The following AGR2 variants were observed in gnomAD, a reference collection of about 807,000 sequenced individuals.
The protein encoded by AGR2 is anterior gradient protein 2 homolog.
In AGR2, 27 loss-of-function variants were observed where a neutral mutation model predicts 25.9. That is an observed-to-expected ratio of 1.04 (90% CI 0.77 to 1.44). AGR2 has a LOEUF of 1.44. Ranked by LOEUF, AGR2 falls within the 40% of genes most tolerant of loss-of-function variation. The probability of loss-of-function intolerance (pLI) is 0.00; values close to 1 mark genes in which losing one functional copy is unlikely to be tolerated. For missense variants in AGR2, 182 were observed against 200.9 expected (o/e 0.91, Z 0.57); for synonymous variants, 78 against 72.0 (o/e 1.08, Z -0.42).
At chr7:16,803,700 G>T (rs762301692) in intron 1 of AGR2, among the ~76,000 whole-genome samples, 26 of 152,208 alleles carry the variant, frequency 1.7e-4, no homozygotes, top group Non-Finnish European at 3.4e-4. Flanking sequence ...AATAACTTTT[G>T]TCTTCTAGAG....
chr7:16,799,774 C>G lies in AGR2; in HGVS notation c.300G>C (p.Leu100Phe), dbSNP rs1785110973. Residue 100 changes from leucine (L) to phenylalanine (F), a missense_variant, in exon 5 of 8, where the codon TTG (leucine) becomes TTC (phenylalanine). Physicochemically the swap from Leu to Phe is conservative, Grantham distance 22. Coordinates refer to ENST00000419304, the MANE Select transcript of AGR2 (RefSeq NM_006408.4). Reference protein sequence around the residue: ...VFAENKEIQKLAEQFVLLNLV... With the variant: ...VFAENKEIQKFAEQFVLLNLV... ...GATTGAGGAGGACAAACTGCTCTGC[C>G]AATTTCTGGATTTCTTTATTTTCAG... 6.2e-7 allele frequency: 1 copy of G among 1,613,212 alleles called. No individual in the cohort carries two copies. The highest frequency in any genetic ancestry group is 2.2e-5 in the East Asian group (1 of 44,794).
intron 6 of AGR2, among the ~76,000 whole-genome samples, chr7:16,796,178 G>A (rs557144424): frequency 5.3e-5 from 8 of 152,294 alleles, no homozygotes; most frequent in African/African-American, 1.9e-4. Context: ...ATTCAAACAT[G>A]TAGTCAGGGT....
intron 5 of AGR2, chr7:16,799,462 A>ACG (rs571884314): frequency 3.1e-4 from 108 of 353,226 alleles, no homozygotes; most frequent in African/African-American, 2.1e-3. Flanking sequence ...ATAGAGGGAC[A>ACG]GGCACAGCAA....
In AGR2 at chr7:16,804,543, C is replaced by T. The variant is rs575783094; in HGVS notation, c.-8+392G>A. Among the ~76,000 whole-genome samples, 6 of 152,180 alleles carry T rather than the reference C, an allele frequency of 3.9e-5. No homozygotes were observed. In the South Asian group the frequency reaches 8.3e-4, roughly 21 times the overall value. ...AATAATATATTCCAAGCGGGCAATC[C>T]GAGCTGAGGTGTCATAGTGGAGAAG... On this transcript the variant is annotated intron_variant, in intron 1 of 7. Transcript: ENST00000419304.
chr7:16,799,891 T>C, intron 4 of AGR2, 74 bp from the exon 5 acceptor site: 1 of 1,016,504 alleles, frequency 9.8e-7, no homozygotes, highest in Non-Finnish European at 1.5e-6. Context: ...TTCAGTTAAA[T>C]TGCATTTTAT....
chr7:16,800,219 G>A (rs1039164766), intron 4 of AGR2, among the ~76,000 whole-genome samples: 1 of 152,212 alleles, frequency 6.6e-6, no homozygotes, highest in African/African-American at 2.4e-5. Flanking sequence ...TATGTACTTT[G>A]AAGAAAAATA....
intron 2 of AGR2, 41 bp downstream of exon 2, chr7:16,801,617 A>G (rs751310117): frequency 2.1e-5 from 34 of 1,613,308 alleles, no homozygotes; most frequent in Non-Finnish European, 2.7e-5. Context: ...ATCTTTTCCA[A>G]TTAAGTAGCA....
rs568887918 is a variant in AGR2, at chr7:16,795,453, T to C, written c.395-434A>G. 4.7e-5 allele frequency among the ~76,000 whole-genome samples: 7 copies of C among 148,952 alleles called. No homozygotes were observed. In the East Asian group the frequency reaches 1.4e-3, roughly 30 times the overall value. Reference sequence around the variant, plus strand: ...ATCCAATGCTAGTTTTCAAAACGAGTTTTTTAAAAAAAGTTAATAGAGGAA... The same window carrying C: ...ATCCAATGCTAGTTTTCAAAACGAGCTTTTTAAAAAAAGTTAATAGAGGAA... On this transcript the variant is annotated intron_variant, in intron 6 of 7. Coordinates refer to ENST00000419304, the MANE Select transcript of AGR2 (RefSeq NM_006408.4).
intron 4 of AGR2, 124 bp downstream of exon 4, chr7:16,801,018 ATATGTTTTT>A (rs1785132285): frequency 1.6e-6 from 1 of 632,780 alleles, no homozygotes; most frequent in Non-Finnish European, 2.6e-6. Flanking sequence ...TCACTTTTAA[ATATGTTTTT>A]ACTATATAAA....
chr7:16,799,333 G>A (rs1785101924), intron 5 of AGR2, among the ~76,000 whole-genome samples: 1 of 152,160 alleles, frequency 6.6e-6, no homozygotes. Context: ...TAGTGGTGAA[G>A]TAAGGTGGGA....
At chr7:16,793,274 C>T (rs10257263) in intron 7 of AGR2, among the ~76,000 whole-genome samples, 1 of 152,130 alleles carries the variant, frequency 6.6e-6, no homozygotes, top group Non-Finnish European at 1.5e-5. Context: ...GTCTCGAACT[C>T]CTGAGCTCAA....
intron 7 of AGR2, among the ~76,000 whole-genome samples, chr7:16,794,325 G>T (rs1337428610): frequency 6.6e-6 from 1 of 152,318 alleles, no homozygotes; most frequent in South Asian, 2.1e-4. Context: ...GATCAGAGTT[G>T]GTTCCTAGGA....
chr7:16,794,683 G>A, intron 7 of AGR2: 1 of 929,294 alleles, frequency 1.1e-6, no homozygotes, highest in Non-Finnish European at 1.6e-6. Context: ...AGGTAATGTG[G>A]TCATAGAATC....
intron 7 of AGR2, among the ~76,000 whole-genome samples, chr7:16,793,886 C>T (rs1785001562): frequency 6.6e-6 from 1 of 152,212 alleles, no homozygotes; most frequent in African/African-American, 2.4e-5. Context: ...GCCGCTTATT[C>T]ACTCTTCCTA....
At chr7:16,796,120 G>C (rs1785041050) in intron 6 of AGR2, among the ~76,000 whole-genome samples, 1 of 152,138 alleles carries the variant, frequency 6.6e-6, no homozygotes, top group East Asian at 1.9e-4. Context: ...TGATTTAATT[G>C]GTTTGAGGTG....
intron 6 of AGR2, 112 bp downstream of exon 6, chr7:16,797,519 C>G (rs2115355011): frequency 1.3e-6 from 1 of 795,792 alleles, no homozygotes. Context: ...CTTGCTAGAG[C>G]TTAGTGATGA....
chr7:16,797,842 C>G, intron 5 of AGR2, 148 bp from the exon 6 acceptor site: 1 of 605,960 alleles, frequency 1.7e-6, no homozygotes, highest in Non-Finnish European at 2.9e-6. Flanking sequence ...GATGAGGAGA[C>G]AAGTTACAAG....
intron 5 of AGR2, 24 bp downstream of exon 5, chr7:16,799,720 A>C (rs1562527526): frequency 1.7e-5 from 27 of 1,553,382 alleles, no homozygotes; most frequent in Non-Finnish European, 2.2e-5. Context: ...GAGAAATGTT[A>C]GTAATGATGA....
At chr7:16,797,579 A>G in intron 6 of AGR2, 52 bp downstream of exon 6, 2 of 1,530,616 alleles carry the variant, frequency 1.3e-6, no homozygotes, top group East Asian at 4.5e-5. Context: ...GAGAAGGAGG[A>G]TGGCAGCACT....
Sources: allele counts gnomAD v4.1 joint callset (sites outside exome capture counted in the v4.1 genomes callset), GRCh38; gene constraint gnomAD v4.1.1; transcripts MANE v1.5; gene names NCBI Gene and HGNC (gene_info 2026-07-23, HGNC 2026-07-21).